Variants in SPPL2A observed in about 807,000 individuals in gnomAD.
SPPL2A encodes signal peptide peptidase-like 2A.
Under a neutral mutation model 63.8 loss-of-function variants are expected in SPPL2A, and 51 were observed. The ratio of observed to expected loss-of-function variants is 0.80; its 90% CI spans 0.64 to 1.01. The LOEUF is 1.01. Ranked by LOEUF, SPPL2A falls within the 50% of genes least tolerant of loss-of-function variation. The pLI is 0.00. For missense variants in SPPL2A, 553 were observed against 622.7 expected (o/e 0.89, Z 1.19); for synonymous variants, 188 against 205.8 (o/e 0.91, Z 0.74).
At chr15:50,719,839 T>G (rs1001038811) in intron 14 of SPPL2A, 101 bp downstream of exon 14, 1 of 772,218 alleles carries the variant, frequency 1.3e-6, no homozygotes, top group Non-Finnish European at 2.1e-6. Context: ...ACAGTACTTT[T>G]TGGTACATAA....
intron 1 of SPPL2A, among the ~76,000 whole-genome samples, chr15:50,756,397 C>T (rs1448495882): frequency 7.0e-6 from 1 of 143,620 alleles, no homozygotes. Context: ...TCTGTTTGAA[C>T]ATTACAAGTG....
At position 50,763,706 on chromosome 15, in the gene SPPL2A, G is replaced by A. The variant is rs1050030216; in HGVS notation, c.66+1762C>T. On this transcript the variant is annotated intron_variant, in intron 1 of 14. Transcript: ENST00000261854. ...GAGGTCAGGAGTTCGAGACCAGCCTGACCAACATAGTGAAACCCCCATCTC... is the reference window on the plus strand; with the variant it reads ...GAGGTCAGGAGTTCGAGACCAGCCTAACCAACATAGTGAAACCCCCATCTC... Among the ~76,000 whole-genome samples, 11 of 152,284 alleles carry A rather than the reference G, an allele frequency of 7.2e-5. No homozygotes were observed. The East Asian group carries it at 1.2e-3, about 16-fold the overall frequency.
At chr15:50,753,987 G>A (rs951902163) in intron 1 of SPPL2A, among the ~76,000 whole-genome samples, 1 of 152,094 alleles carries the variant, frequency 6.6e-6, no homozygotes. Context: ...AGTAGAGACA[G>A]GGTTTCACCA....
intron 1 of SPPL2A, among the ~76,000 whole-genome samples, chr15:50,755,243 G>A (rs35597009): frequency 0.089 from 13,436 of 151,456 alleles, 739 homozygotes; most frequent in South Asian, 0.15. Flanking sequence ...GCTTGAACCC[G>A]GGAGGCAGAG....
intron 12 of SPPL2A, among the ~76,000 whole-genome samples, chr15:50,724,085 T>A (rs2141028475): frequency 6.6e-6 from 1 of 152,290 alleles, no homozygotes. Flanking sequence ...AAGTGTAAGG[T>A]TACTCAATAG....
intron 14 of SPPL2A, among the ~76,000 whole-genome samples, chr15:50,715,218 G>A (rs1258404168): frequency 6.6e-6 from 1 of 151,894 alleles, no homozygotes; most frequent in Non-Finnish European, 1.5e-5. Flanking sequence ...GGCTGGTCTC[G>A]AACTCCTGAT....
intron 4 of SPPL2A, 101 bp downstream of exon 4, chr15:50,748,012 G>T: frequency 1.9e-6 from 1 of 526,352 alleles, no homozygotes; most frequent in Non-Finnish European, 3.1e-6. Context: ...CTTCTTGTTA[G>T]CAAATGGAGC....
intron 1 of SPPL2A, among the ~76,000 whole-genome samples, chr15:50,755,916 G>C (rs2062953954): frequency 1.3e-5 from 2 of 151,900 alleles, no homozygotes; most frequent in Non-Finnish European, 2.9e-5. Context: ...CACCACGCTT[G>C]GCCTGATATT....
chr15:50,707,949 A>C (rs2062524431), intron 14 of SPPL2A, 75 bp from the exon 15 acceptor site: 1 of 791,452 alleles, frequency 1.3e-6, no homozygotes, highest in Admixed American at 1.9e-5. Flanking sequence ...TAGCAAAAGG[A>C]TTCTTTTTCT....
intron 5 of SPPL2A, among the ~76,000 whole-genome samples, chr15:50,743,427 C>A (rs2062837202): frequency 6.6e-6 from 1 of 151,992 alleles, no homozygotes; most frequent in Non-Finnish European, 1.5e-5. Flanking sequence ...CTCACTGCAG[C>A]CTGAAATTCC....
intron 3 of SPPL2A, 140 bp from the exon 4 acceptor site, chr15:50,748,342 T>C (rs924066158): frequency 3.2e-5 from 14 of 432,626 alleles, no homozygotes; most frequent in Admixed American, 4.2e-5. Context: ...ACACTCTAAG[T>C]TCTCAAAATT....
At chr15:50,765,087 A>C (rs942603214) in intron 1 of SPPL2A, among the ~76,000 whole-genome samples, 1 of 152,312 alleles carries the variant, frequency 6.6e-6, no homozygotes, top group Middle Eastern at 3.4e-3. Context: ...AAGGGTAAAA[A>C]GCGGTAAGAA....
At chr15:50,763,942 C>A (rs898418122) in intron 1 of SPPL2A, among the ~76,000 whole-genome samples, 1 of 152,070 alleles carries the variant, frequency 6.6e-6, no homozygotes, top group African/African-American at 2.4e-5. Flanking sequence ...AAATCCAGAA[C>A]GTGGGAGACA....
intron 14 of SPPL2A, among the ~76,000 whole-genome samples, chr15:50,709,822 AC>A (rs1161010074): frequency 6.6e-6 from 1 of 151,710 alleles, no homozygotes; most frequent in Non-Finnish European, 1.5e-5. Context: ...AAAATAAAAA[AC>A]CTGCTGATAC....
At chr15:50,723,050 T>C (rs1048586909) in intron 12 of SPPL2A, among the ~76,000 whole-genome samples, 1 of 152,180 alleles carries the variant, frequency 6.6e-6, no homozygotes, top group Non-Finnish European at 1.5e-5. Context: ...CCAACAGGTA[T>C]ATGAAAAAAT....
chr15:50,742,391 C>CA (rs35768341), intron 5 of SPPL2A, among the ~76,000 whole-genome samples: 14,301 of 138,896 alleles, frequency 0.1, 2,257 homozygotes, highest in African/African-American at 0.35. Context: ...ACCTCGACTC[C>CA]AAAAAAAAAA....
chr15:50,762,501 T>C (rs2063021120), intron 1 of SPPL2A, among the ~76,000 whole-genome samples: 1 of 152,190 alleles, frequency 6.6e-6, no homozygotes, highest in Non-Finnish European at 1.5e-5. Flanking sequence ...CAGCCAGATG[T>C]GCTGTAGCTT....
chr15:50,710,083 T>C (rs1052879712), intron 14 of SPPL2A, among the ~76,000 whole-genome samples: 20 of 152,326 alleles, frequency 1.3e-4, no homozygotes, highest in Non-Finnish European at 2.4e-4. Context: ...CCTCTTCTTC[T>C]AGGAATTTAA....
Position 50,726,320 on chromosome 15 carries a change from C to G in SPPL2A, c.1146+1G>C, listed in dbSNP as rs1210388127. 1.2e-6 allele frequency: 2 copies of G among 1,613,574 alleles called. No individual in the cohort carries two copies. The highest frequency in any genetic ancestry group is 1.7e-6 in the Non-Finnish European group (2 of 1,179,612). ...CATTTCTATTTCATTGCCATCCCTA[C>G]CTTTTCATTATTTCCAAAAGGTCCA... On this transcript the variant is annotated splice_donor_variant, in intron 11 of 14. Transcript: ENST00000261854. LOFTEE classifies it high-confidence loss of function.
Sources: allele counts gnomAD v4.1 joint callset (sites outside exome capture counted in the v4.1 genomes callset), GRCh38; gene constraint gnomAD v4.1.1; transcripts MANE v1.5; gene names NCBI Gene and HGNC (gene_info 2026-07-23, HGNC 2026-07-21).